NVL: variants seen among roughly 807,000 people sequenced by gnomAD.
The protein encoded by NVL is nuclear valosin-containing protein-like.
A neutral mutation model predicts 110.2 loss-of-function variants in NVL; 84 were observed. That is an observed-to-expected ratio of 0.76 (90% confidence interval 0.64 to 0.91). The LOEUF (loss-of-function observed/expected upper bound fraction) is 0.91. NVL is among the 40% of genes least tolerant of loss of function. The pLI is 0.00. For missense variants in NVL, 882 were observed against 1,035.9 expected, an observed-to-expected ratio of 0.85 and a Z score of 2.04; for synonymous variants, 354 against 361.1, an observed-to-expected ratio of 0.98 and a Z score of 0.22.
chr1:224,233,965 G>A (rs1251769415), intron 20 of NVL, among the ~76,000 whole-genome samples: 2 of 152,148 alleles, frequency 1.3e-5, no homozygotes, highest in Middle Eastern at 3.2e-3. Flanking sequence ...TGAGATGGCA[G>A]AATTGCTTGA....
chr1:224,282,146 G>A (rs1666423550), intron 15 of NVL, among the ~76,000 whole-genome samples: 1 of 150,512 alleles, frequency 6.6e-6, no homozygotes, highest in African/African-American at 2.5e-5. Context: ...ACTCACTGCA[G>A]TCTTGACTTC....
At chr1:224,300,176 G>T (rs2102682227) in intron 10 of NVL, among the ~76,000 whole-genome samples, 1 of 152,206 alleles carries the variant, frequency 6.6e-6, no homozygotes, top group East Asian at 1.9e-4. Flanking sequence ...TATTTTTATG[G>T]TTGCTTTTAT....
chr1:224,300,273 T>C (rs1364258355), intron 10 of NVL, among the ~76,000 whole-genome samples: 1 of 152,190 alleles, frequency 6.6e-6, no homozygotes, highest in African/African-American at 2.4e-5. Flanking sequence ...GTGGAAAATA[T>C]CATAAGGATA....
intron 12 of NVL, among the ~76,000 whole-genome samples, chr1:224,293,611 T>A (rs1473234056): frequency 1.3e-5 from 2 of 152,214 alleles, no homozygotes; most frequent in East Asian, 3.8e-4. Flanking sequence ...TAGGTTAAAG[T>A]ATGGTACTCA....
At chr1:224,321,905 G>C (rs1355576988) in intron 2 of NVL, among the ~76,000 whole-genome samples, 2 of 152,040 alleles carry the variant, frequency 1.3e-5, no homozygotes. Flanking sequence ...ACTTATTATA[G>C]ACATGGCAGG....
intron 15 of NVL, 132 bp downstream of exon 15, chr1:224,285,894 C>T (rs1666810703): frequency 1.7e-6 from 1 of 600,950 alleles, no homozygotes; most frequent in Non-Finnish European, 2.8e-6. Context: ...AGAAAGTTGT[C>T]AGTTTTGCTA....
At chr1:224,268,225 A>G in intron 17 of NVL, 92 bp from the exon 18 acceptor site, 2 of 882,704 alleles carry the variant, frequency 2.3e-6, no homozygotes, top group Non-Finnish European at 3.6e-6. Context: ...TTCCCCATGC[A>G]AAGGAGATAA....
In NVL at chr1:224,296,513, T is replaced by C. The variant is rs1439595372; in HGVS notation, c.1168A>G (p.Thr390Ala). The C allele has an allele frequency of 2.5e-6, 4 of 1,584,594 alleles. No individual in the cohort carries two copies. The highest frequency in any genetic ancestry group is 3.4e-6 in the Non-Finnish European group (4 of 1,160,274). Reference sequence around the variant, plus strand: ...ATTTTAAACTAACCATCCATGCAGGTTAGGAGTTGGGCTACAATTCTTCGT... The same window carrying C: ...ATTTTAAACTAACCATCCATGCAGGCTAGGAGTTGGGCTACAATTCTTCGT... Reference protein sequence around the residue: ...MERRIVAQLLTCMDDLNNVAA... With the variant: ...MERRIVAQLLACMDDLNNVAA... Residue 390 changes from threonine (T) to alanine (A), a missense_variant, in exon 11 of 23, where the codon ACC becomes GCC. Thr to Ala is a moderately conservative substitution (Grantham distance 58). Transcript: ENST00000281701.
At chr1:224,263,121 G>A (rs960700550) in intron 18 of NVL, among the ~76,000 whole-genome samples, 1 of 152,224 alleles carries the variant, frequency 6.6e-6, no homozygotes, top group African/African-American at 2.4e-5. Flanking sequence ...CCTCTGGGCA[G>A]GGGATTAGAA....
intron 18 of NVL, among the ~76,000 whole-genome samples, chr1:224,267,505 T>C (rs1380423215): frequency 2.0e-5 from 3 of 151,958 alleles, no homozygotes; most frequent in East Asian, 3.9e-4. Context: ...CTGGCCAACA[T>C]GGCGAAACCC....
intron 18 of NVL, among the ~76,000 whole-genome samples, chr1:224,261,275 G>A (rs1350131485): frequency 6.6e-6 from 1 of 152,068 alleles, no homozygotes; most frequent in Non-Finnish European, 1.5e-5. Context: ...CAAAGTGCTG[G>A]GATTACAGGT....
intron 18 of NVL, among the ~76,000 whole-genome samples, chr1:224,259,626 TAAAC>T (rs1663727067): frequency 6.6e-6 from 1 of 152,052 alleles, no homozygotes; most frequent in Admixed American, 6.6e-5. Context: ...CATGATTCAT[TAAAC>T]AAATAATAAT....
intron 21 of NVL, chr1:224,232,322 C>T (rs1659984095): frequency 6.6e-6 from 1 of 151,816 alleles, no homozygotes; most frequent in Non-Finnish European, 1.5e-5. Flanking sequence ...CACTGCACTC[C>T]AGCCTGAGTG....
intron 2 of NVL, among the ~76,000 whole-genome samples, chr1:224,323,211 A>C (rs1670827871): frequency 6.6e-6 from 1 of 152,158 alleles, no homozygotes; most frequent in Admixed American, 6.6e-5. Flanking sequence ...GTAAGTGATG[A>C]ATCTAGATAT....
intron 16 of NVL, among the ~76,000 whole-genome samples, chr1:224,276,765 C>T (rs565560924): frequency 2.0e-4 from 31 of 152,240 alleles, no homozygotes; most frequent in Non-Finnish European, 4.1e-4. Flanking sequence ...TTTCTTCTTG[C>T]ATTCTAAAAG....
In NVL at chr1:224,325,009, C is replaced by T. The variant is rs541258282; in HGVS notation, c.131+1382G>A. Among the ~76,000 whole-genome samples the T allele has an allele frequency of 2.0e-5, 3 of 152,220 alleles. No individual in the cohort carries two copies. In the East Asian group the frequency reaches 5.8e-4, roughly 29 times the overall value. On this transcript the variant is annotated intron_variant, in intron 2 of 22. Transcript: ENST00000281701. ...GGTGCGGTGGCTCCCACCTATAACC[C>T]CAGCACTTTGGGAGGCTGAGGTAGG...
rs61084002 is a variant in NVL, at chr1:224,301,798, CAAAA to C, written c.961-1139_961-1136del. 3.2e-4 allele frequency: 24 copies of C among 75,894 alleles called. No individual in the cohort carries two copies. In the South Asian group the frequency reaches 3.5e-3, roughly 11 times the overall value. 4.7% of individuals were successfully genotyped at this position (75,894 alleles called of 1,614,324 possible). ...TGGGCAACAGAGAGAAAATCTGTTT[CAAAA>C]AAAAAAAAAAAAAAAAAAAGAGAGA... On this transcript the variant is annotated intron_variant, in intron 9 of 22. Coordinates refer to ENST00000281701, the MANE Select transcript of NVL (RefSeq NM_002533.4).
chr1:224,262,973 TG>T lies in NVL; in HGVS notation c.2182+5060del, dbSNP rs1306062246. On this transcript the variant is annotated intron_variant, in intron 18 of 22. Coordinates refer to ENST00000281701, the MANE Select transcript of NVL (RefSeq NM_002533.4). ...GCAGTGATGGTGGGAGTGGAGGGTA[TG>T]GAGAAAGGGTGAACATAAGATAACT... Among the ~76,000 whole-genome samples, 7 of 152,088 alleles carry T rather than the reference TG, an allele frequency of 4.6e-5. No homozygotes were observed. The East Asian group carries it at 1.2e-3, about 25-fold the overall frequency.
chr1:224,285,089 T>C (rs1327651524), intron 15 of NVL, among the ~76,000 whole-genome samples: 1 of 152,226 alleles, frequency 6.6e-6, no homozygotes, highest in Non-Finnish European at 1.5e-5. Context: ...CAATATATAC[T>C]GACGTGAAGA....
Sources: allele counts gnomAD v4.1 joint callset (sites outside exome capture counted in the v4.1 genomes callset), GRCh38; gene constraint gnomAD v4.1.1; transcripts MANE v1.5; gene names NCBI Gene and HGNC (gene_info 2026-07-23, HGNC 2026-07-21).